Variants in RAI14 observed in about 807,000 individuals in gnomAD.
RAI14 encodes ankycorbin.
A neutral mutation model predicts 115.4 loss-of-function variants in RAI14; 45 were observed. That is an observed-to-expected ratio of 0.39 (90% CI 0.31 to 0.50). The LOEUF is 0.50. RAI14 is among the 20% of genes least tolerant of loss of function. RAI14 has a pLI of 0.85. For missense variants in RAI14, 939 were observed against 1,131.2 expected (o/e 0.83, Z 2.44); for synonymous variants, 371 against 415.4 (o/e 0.89, Z 1.30).
intron 2 of RAI14, among the ~76,000 whole-genome samples, chr5:34,752,749 G>GTATATATATATATATA (rs71600954): frequency 2.1e-4 from 23 of 107,038 alleles, no homozygotes; most frequent in African/African-American, 4.5e-4. Flanking sequence ...GTGTGTGTGT[G>GTATATATATATATATA]TATATATATA....
At chr5:34,797,317 G>A (rs1753655766) in intron 4 of RAI14, among the ~76,000 whole-genome samples, 1 of 152,016 alleles carries the variant, frequency 6.6e-6, no homozygotes, top group South Asian at 2.1e-4. Context: ...GATCAGCCAG[G>A]TATTGCAGGA....
intron 1 of RAI14, among the ~76,000 whole-genome samples, chr5:34,686,631 CAATTA>C (rs1223029660): frequency 2.0e-5 from 3 of 151,872 alleles, no homozygotes; most frequent in African/African-American, 7.3e-5. Flanking sequence ...TTTTATTTGT[CAATTA>C]AAATAAATAT....
intron 2 of RAI14, chr5:34,715,993 A>G (rs1741935658): frequency 2.7e-6 from 1 of 374,174 alleles, no homozygotes; most frequent in Non-Finnish European, 5.1e-6. Context: ...ATGTATTTGT[A>G]TGCAATATGT....
intron 2 of RAI14, among the ~76,000 whole-genome samples, chr5:34,717,555 A>G (rs1218621801): frequency 1.3e-5 from 2 of 152,194 alleles, no homozygotes; most frequent in Non-Finnish European, 2.9e-5. Context: ...GCAAGAGAGC[A>G]GGGGTAGGGA....
chr5:34,720,386 A>G (rs1303985252), intron 2 of RAI14, among the ~76,000 whole-genome samples: 1 of 143,604 alleles, frequency 7.0e-6, no homozygotes, highest in African/African-American at 2.6e-5. Flanking sequence ...AAGTCATTCT[A>G]TGACCCTGTC....
At chr5:34,822,722 CG>C (rs1757012412) in intron 14 of RAI14, among the ~76,000 whole-genome samples, 1 of 114,726 alleles carries the variant, frequency 8.7e-6, no homozygotes, top group Non-Finnish European at 1.7e-5. Flanking sequence ...CTTGCTCTGT[CG>C]CCCAGGCTGG....
chr5:34,770,367 G>A (rs554708891), intron 3 of RAI14, among the ~76,000 whole-genome samples: 1 of 152,112 alleles, frequency 6.6e-6, no homozygotes, highest in African/African-American at 2.4e-5. Flanking sequence ...AAAAGTTCAG[G>A]CTAAAAAAGC....
At chr5:34,807,676 T>G in intron 5 of RAI14, 124 bp from the exon 6 acceptor site, 2 of 766,144 alleles carry the variant, frequency 2.6e-6, no homozygotes, top group Admixed American at 4.4e-5. Context: ...ACACAGCAGC[T>G]GGGGCTTATT....
chr5:34,782,893 T>G (rs535288695), intron 3 of RAI14, among the ~76,000 whole-genome samples: 1 of 152,332 alleles, frequency 6.6e-6, no homozygotes, highest in African/African-American at 2.4e-5. Flanking sequence ...GCACAGCATG[T>G]CTGCCTGTTC....
At chr5:34,679,433 G>A (rs1389522943) in intron 1 of RAI14, among the ~76,000 whole-genome samples, 1 of 151,642 alleles carries the variant, frequency 6.6e-6, no homozygotes, top group African/African-American at 2.4e-5. Context: ...TAGGATGGTC[G>A]TTTTCTGTCT....
chr5:34,675,790 T>G (rs1743940773), intron 1 of RAI14, among the ~76,000 whole-genome samples: 1 of 151,974 alleles, frequency 6.6e-6, no homozygotes. Context: ...AATCATATAA[T>G]GTGTGGTCTT....
chr5:34,660,848 T>C (rs1742637423), intron 1 of RAI14, among the ~76,000 whole-genome samples: 1 of 152,128 alleles, frequency 6.6e-6, no homozygotes, highest in African/African-American at 2.4e-5. Context: ...TCGTGAATTC[T>C]GCAAAAGGAT....
chr5:34,738,147 G>A (rs938337017), intron 2 of RAI14, among the ~76,000 whole-genome samples: 1 of 152,014 alleles, frequency 6.6e-6, no homozygotes, highest in Non-Finnish European at 1.5e-5. Context: ...AGTCCAGGCC[G>A]ACCACAGTGG....
At chr5:34,757,293 G>A (rs186546662) in intron 2 of RAI14, 175 bp from the exon 3 acceptor site, 69 of 716,352 alleles carry the variant, frequency 9.6e-5, no homozygotes, top group Admixed American at 2.2e-4. Context: ...TTGGGAAAGC[G>A]GCCTTCTTGG....
At chr5:34,790,977 C>G (rs115226692) in intron 3 of RAI14, among the ~76,000 whole-genome samples, 1 of 151,880 alleles carries the variant, frequency 6.6e-6, no homozygotes, top group Non-Finnish European at 1.5e-5. Context: ...TTAGAGTCTG[C>G]GTCAAGTAGA....
intron 2 of RAI14, among the ~76,000 whole-genome samples, chr5:34,708,263 C>T (rs1242967724): frequency 2.7e-5 from 4 of 148,576 alleles, no homozygotes; most frequent in South Asian, 2.1e-4. Flanking sequence ...GGTGCAATGG[C>T]GCGATCTCGG....
intron 2 of RAI14, among the ~76,000 whole-genome samples, chr5:34,755,547 G>A (rs9292562): frequency 0.2 from 30,364 of 152,060 alleles, 3,235 homozygotes; most frequent in African/African-American, 0.23. Context: ...ATTCTTGGTG[G>A]GGGTAGGAGG....
intron 2 of RAI14, among the ~76,000 whole-genome samples, chr5:34,707,261 G>A (rs1297919769): frequency 1.3e-5 from 2 of 152,234 alleles, no homozygotes; most frequent in Non-Finnish European, 2.9e-5. Flanking sequence ...GAGGTCAGGA[G>A]TTCGAGACTA....
intron 2 of RAI14, among the ~76,000 whole-genome samples, chr5:34,720,361 G>T (rs974995184): frequency 6.7e-6 from 1 of 148,800 alleles, no homozygotes; most frequent in African/African-American, 2.5e-5. Context: ...ATGTTCAATC[G>T]CTTCCAGACT....
Sources: gnomAD v4.1 joint callset for allele counts (sites outside exome capture counted in the v4.1 genomes callset) on GRCh38, gnomAD v4.1.1 for gene constraint, MANE v1.5 for transcripts, NCBI Gene and HGNC (gene_info 2026-07-23, HGNC 2026-07-21) for gene names.